THTPA: variants seen among roughly 807,000 people sequenced by gnomAD.
The protein encoded by THTPA is thiamine-triphosphatase.
A neutral mutation model predicts 16.5 loss-of-function variants in THTPA; 16 were observed. The observed-to-expected ratio is 0.97, with a 90% CI of 0.66 to 1.47. The LOEUF is 1.47. Ranked by LOEUF, THTPA falls within the 40% of genes most tolerant of loss-of-function variation. The probability of loss-of-function intolerance (pLI) is 0.00; values close to 1 mark genes in which losing one functional copy is unlikely to be tolerated. For missense variants in THTPA, 281 were observed against 280.9 expected, an observed-to-expected ratio of 1.00 and a Z score of 0.00; for synonymous variants, 110 against 115.5, an observed-to-expected ratio of 0.95 and a Z score of 0.30.
upstream of THTPA, among the ~76,000 whole-genome samples, chr14:23,553,621 G>A (rs977977898): frequency 2.7e-5 from 4 of 148,328 alleles, no homozygotes; most frequent in African/African-American, 5.0e-5. Flanking sequence ...CAGGCCGGGC[G>A]TGGTGGCTCA....
the THTPA span, chr14:23,521,445 G>A: frequency 0.017 from 2,555 of 154,342 alleles, 70 homozygotes; most frequent in African/African-American, 0.056. Flanking sequence ...AGAGAGTGGC[G>A]AAGTTTGTTT....
rs567954401 is a variant in THTPA at position 23,559,356 on chromosome 14, G to A, written c.*516G>A. The A allele has an allele frequency of 1.5e-5, 4 of 269,008 alleles. No homozygotes were observed. Among genetic ancestry groups the A allele is most frequent in the South Asian group, 1.3e-4 (3 of 23,794 alleles). The allele number at this position is 269,008 out of a possible 1,614,324, so 16.7% of individuals were successfully genotyped here. ...GACTTTGCCACTGTGCCCAGCTCTGGCCCAGAGGGTAGAGTGCCTCCTGTG... is the reference window on the plus strand; with the variant it reads ...GACTTTGCCACTGTGCCCAGCTCTGACCCAGAGGGTAGAGTGCCTCCTGTG... On this transcript the variant is annotated 3_prime_UTR_variant, in exon 2 of 2. Transcript: ENST00000288014.
chr14:23,528,437 C>T, the THTPA span, among the ~76,000 whole-genome samples: 1 of 152,216 alleles, frequency 6.6e-6, no homozygotes, highest in Non-Finnish European at 1.5e-5. Flanking sequence ...CCTGCCTCAA[C>T]TCTCCAGCTA....
chr14:23,531,744 G>A, the THTPA span: 1 of 1,316,938 alleles, frequency 7.6e-7, no homozygotes. Context: ...GAAGAGGCTG[G>A]CTCAGGCCCA....
the THTPA span, chr14:23,533,121 A>G: frequency 6.7e-7 from 1 of 1,481,610 alleles, no homozygotes; most frequent in Non-Finnish European, 8.9e-7. This position sits in a 1 kb window ranked among gnomAD's most constrained non-coding sequence, Gnocchi z 4.8. Flanking sequence ...CCAAGAAAGA[A>G]ATGGGGCACG....
chr14:23,525,540 G>A, the THTPA span: 1 of 1,535,502 alleles, frequency 6.5e-7, no homozygotes, highest in Non-Finnish European at 8.7e-7. This position sits in a 1 kb window ranked among gnomAD's most constrained non-coding sequence, Gnocchi z 5.9. Flanking sequence ...GGTGGGGGTG[G>A]GGTAGGGGGA....
chr14:23,525,970 G>T, the THTPA span: 1 of 1,507,878 alleles, frequency 6.6e-7, no homozygotes. The surrounding 1 kb of genome is among the most constrained non-coding windows in gnomAD (Gnocchi z 5.9). Flanking sequence ...GTGGGGGAGG[G>T]GACAGGAAAG....
chr14:23,522,716 G>T, the THTPA span: 14 of 1,536,512 alleles, frequency 9.1e-6, no homozygotes, highest in Non-Finnish European at 1.2e-5. Flanking sequence ...ATCATTGGAG[G>T]AGCTGGTGGG....
the THTPA span, chr14:23,523,593 G>C: frequency 1.3e-6 from 2 of 1,552,440 alleles, no homozygotes; most frequent in Non-Finnish European, 1.7e-6. This position sits in a 1 kb window ranked among gnomAD's most constrained non-coding sequence, Gnocchi z 4.1. Flanking sequence ...TCCTTGGCAC[G>C]AGCATTCTGG....
the THTPA span, among the ~76,000 whole-genome samples, chr14:23,549,498 C>G: frequency 1.3e-5 from 2 of 152,006 alleles, no homozygotes; most frequent in African/African-American, 4.8e-5. Context: ...GAACTTGGCT[C>G]CTTACATACG....
At chr14:23,557,921 A>G (rs1276127364) in intron 1 of THTPA, among the ~76,000 whole-genome samples, 1 of 152,238 alleles carries the variant, frequency 6.6e-6, no homozygotes, top group East Asian at 1.9e-4. Flanking sequence ...TTGTTTTACA[A>G]TTACCTAGAT....
At chr14:23,524,750 G>A in the THTPA span, 2 of 1,536,396 alleles carry the variant, frequency 1.3e-6, no homozygotes, top group Non-Finnish European at 1.7e-6. The surrounding 1 kb of genome is among the most constrained non-coding windows in gnomAD (Gnocchi z 5.6). Context: ...TGGGCCCTCA[G>A]GCCCTGCTGG....
the THTPA span, chr14:23,548,471 C>G: frequency 6.6e-6 from 1 of 152,192 alleles, no homozygotes; most frequent in Non-Finnish European, 1.5e-5. Flanking sequence ...CAAGGTAACA[C>G]CAGCTGCCTC....
chr14:23,539,126 CT>C, the THTPA span, among the ~76,000 whole-genome samples: 1 of 152,112 alleles, frequency 6.6e-6, no homozygotes, highest in East Asian at 1.9e-4. Context: ...TCCTCCTCCC[CT>C]AATGCACTGT....
the THTPA span, chr14:23,535,013 G>A: frequency 6.5e-7 from 1 of 1,536,116 alleles, no homozygotes; most frequent in South Asian, 1.2e-5. The surrounding 1 kb of genome is among the most constrained non-coding windows in gnomAD (Gnocchi z 4.5). Flanking sequence ...ATGGGAGGGA[G>A]CCCTTCTTCT....
chr14:23,532,386 T>C, the THTPA span: 1 of 692,870 alleles, frequency 1.4e-6, no homozygotes, highest in East Asian at 3.1e-5. Flanking sequence ...TACTATCCTT[T>C]GGTCTCTTTC....
the THTPA span, among the ~76,000 whole-genome samples, chr14:23,541,575 C>T: frequency 6.6e-6 from 1 of 152,200 alleles, no homozygotes; most frequent in African/African-American, 2.4e-5. Flanking sequence ...GCCTGAGCCA[C>T]CACACCCGGC....
chr14:23,522,440 G>C, the THTPA span: 7 of 1,536,474 alleles, frequency 4.6e-6, no homozygotes, highest in Non-Finnish European at 6.1e-6. Flanking sequence ...CTTTGGAGGT[G>C]CTGTGGCTGT....
At chr14:23,540,188 G>A in the THTPA span, among the ~76,000 whole-genome samples, 11 of 152,114 alleles carry the variant, frequency 7.2e-5, no homozygotes, top group South Asian at 2.3e-3. Flanking sequence ...ACAAGGTTTC[G>A]CCATGTTGCC....
Sources: allele counts gnomAD v4.1 joint callset (sites outside exome capture counted in the v4.1 genomes callset), GRCh38; gene constraint gnomAD v4.1.1; non-coding constraint Gnocchi (gnomAD v3.1); transcripts MANE v1.5; gene names NCBI Gene and HGNC (gene_info 2026-07-23, HGNC 2026-07-21).